CEMIP: variants seen among roughly 807,000 people sequenced by gnomAD.
CEMIP encodes the protein cell migration inducing hyaluronidase 1.
A neutral mutation model predicts 156.9 loss-of-function variants in CEMIP; 105 were observed. The observed-to-expected ratio is 0.67, with a 90% CI of 0.57 to 0.79. CEMIP has a LOEUF of 0.79. CEMIP is among the 30% of genes least tolerant of loss of function. The pLI, the probability that CEMIP is intolerant of heterozygous loss-of-function variation, is 0.00. For synonymous variants in CEMIP, 676 were observed against 668.4 expected (o/e 1.01, Z -0.17); for missense variants, 1,457 against 1,769.4 (o/e 0.82, Z 3.17).
At chr15:80,824,087 G>A (rs879622072) in intron 1 of CEMIP, among the ~76,000 whole-genome samples, 3 of 152,204 alleles carry the variant, frequency 2.0e-5, no homozygotes, top group Non-Finnish European at 2.9e-5. Flanking sequence ...TCTTTAGCCT[G>A]GGACAGCAAT....
chr15:80,941,385 G>A (rs1298642910), intron 25 of CEMIP, among the ~76,000 whole-genome samples: 1 of 152,002 alleles, frequency 6.6e-6, no homozygotes, highest in Non-Finnish European at 1.5e-5. Context: ...AATAAATTAT[G>A]GTTTGGAGAA....
intron 1 of CEMIP, among the ~76,000 whole-genome samples, chr15:80,806,525 A>T (rs1294046799): frequency 1.3e-5 from 2 of 152,180 alleles, no homozygotes; most frequent in African/African-American, 4.8e-5. Flanking sequence ...ATGGGGATGA[A>T]TTTGTCCATT....
intron 1 of CEMIP, among the ~76,000 whole-genome samples, chr15:80,840,666 G>T (rs886982341): frequency 2.0e-5 from 3 of 152,200 alleles, no homozygotes; most frequent in African/African-American, 4.8e-5. Flanking sequence ...CTGGCCCGAG[G>T]CGTGGGAGGC....
chr15:80,931,447 G>A (rs1900907986), intron 21 of CEMIP, among the ~76,000 whole-genome samples: 2 of 151,964 alleles, frequency 1.3e-5, no homozygotes, highest in African/African-American at 4.8e-5. Flanking sequence ...ACATAATATT[G>A]GCACGCTCCA....
intron 12 of CEMIP, among the ~76,000 whole-genome samples, chr15:80,900,650 C>CTGTGTGTGTGTG: frequency 1.2e-5 from 1 of 84,606 alleles, no homozygotes; most frequent in Non-Finnish European, 2.5e-5. Context: ...GTGTGTGTGT[C>CTGTGTGTGTGTG]TGTGTGTGTG....
intron 14 of CEMIP, among the ~76,000 whole-genome samples, chr15:80,917,727 T>C (rs747619127): frequency 9.2e-5 from 14 of 152,136 alleles, no homozygotes; most frequent in African/African-American, 1.9e-4. Context: ...ATGGAGTGAG[T>C]GGACACAGAA....
chr15:80,896,100 T>C (rs372964060), intron 12 of CEMIP, 40 bp downstream of exon 12: 4 of 1,592,714 alleles, frequency 2.5e-6, no homozygotes, highest in Non-Finnish European at 3.4e-6. Flanking sequence ...TGGATGAATC[T>C]GAAAATTGTT....
At chr15:80,838,972 G>A (rs1349075170) in intron 1 of CEMIP, among the ~76,000 whole-genome samples, 1 of 152,170 alleles carries the variant, frequency 6.6e-6, no homozygotes, top group Non-Finnish European at 1.5e-5. Flanking sequence ...GAGGTATTAG[G>A]GGGTTTAAGT....
intron 14 of CEMIP, 147 bp downstream of exon 14, chr15:80,909,453 C>T (rs1179669973): frequency 2.5e-6 from 2 of 810,854 alleles, no homozygotes; most frequent in Non-Finnish European, 4.2e-6. Flanking sequence ...CAACTGGGAG[C>T]AGATCACCAA....
At chr15:80,845,548 A>G (rs1596129751) in intron 1 of CEMIP, among the ~76,000 whole-genome samples, 1 of 152,354 alleles carries the variant, frequency 6.6e-6, no homozygotes, top group East Asian at 1.9e-4. Context: ...TTGAGAAAAT[A>G]TGGGAAATGC....
rs1441788992 is a variant in CEMIP, at chr15:80,929,102, C to T, written c.2540C>T (p.Thr847Met). Residue 847 changes from threonine (T) to methionine (M), a missense_variant, in exon 21 of 30, where the codon ACG becomes ATG. Thr to Met is a moderately conservative substitution (Grantham distance 81). Around this residue, in one of 5 missense-constraint regions of CEMIP, gnomAD observed 798 missense variants for 980.1 expected, o/e 0.81. Transcript: ENST00000394685. ...GTTGGCGAGAGTGGCAACGTGGGGA[C>T]GGAAATGATGGACAATAGGATCTGG... ...LFVGESGNVG[T>M]EMMDNRIWGP... 1.1e-5 allele frequency: 17 copies of T among 1,614,010 alleles called. No homozygotes were observed. Among genetic ancestry groups the T allele is most frequent in the African/African-American group, 1.3e-5 (1 of 74,900 alleles).
intron 3 of CEMIP, among the ~76,000 whole-genome samples, chr15:80,877,442 C>A (rs1596151503): frequency 6.6e-6 from 1 of 152,178 alleles, no homozygotes; most frequent in South Asian, 2.1e-4. Context: ...CACCTTCCCA[C>A]CTCCTCACCC....
intron 1 of CEMIP, among the ~76,000 whole-genome samples, chr15:80,808,189 T>C (rs1896562393): frequency 1.3e-5 from 2 of 152,164 alleles, no homozygotes; most frequent in Non-Finnish European, 2.9e-5. Context: ...TCATCCAAGA[T>C]CACCATGGCC....
intron 1 of CEMIP, among the ~76,000 whole-genome samples, chr15:80,799,690 A>T (rs995853337): frequency 3.2e-4 from 49 of 152,250 alleles, no homozygotes; most frequent in African/African-American, 1.2e-3. Context: ...TCAATGGATG[A>T]ATGGATAAAG....
chr15:80,799,241 T>C (rs762492613), intron 1 of CEMIP, among the ~76,000 whole-genome samples: 1 of 152,170 alleles, frequency 6.6e-6, no homozygotes. Flanking sequence ...TTTAGCCAAG[T>C]GAGGATTAGC....
intron 16 of CEMIP, 120 bp from the exon 17 acceptor site, chr15:80,921,889 T>G: frequency 7.6e-7 from 1 of 1,308,916 alleles, no homozygotes; most frequent in Non-Finnish European, 1.1e-6. Flanking sequence ...CACCGAGGGC[T>G]CCTGTGGGTG....
chr15:80,873,776 T>C, intron 2 of CEMIP, 80 bp downstream of exon 2: 2 of 885,806 alleles, frequency 2.3e-6, no homozygotes, highest in Non-Finnish European at 3.6e-6. Flanking sequence ...TGTGTGTGCA[T>C]GTGGCTCTGT....
At chr15:80,920,654 T>G (rs1048284382) in intron 15 of CEMIP, among the ~76,000 whole-genome samples, 1 of 152,106 alleles carries the variant, frequency 6.6e-6, no homozygotes, top group Admixed American at 6.5e-5. Flanking sequence ...TTTCTAGATA[T>G]TAGAGAGACA....
intron 7 of CEMIP, among the ~76,000 whole-genome samples, chr15:80,884,798 C>A (rs1331386174): frequency 6.6e-6 from 1 of 152,206 alleles, no homozygotes; most frequent in Admixed American, 6.5e-5. Context: ...TTGACATGAT[C>A]TAATATGTGT....
Sources: gnomAD v4.1 joint callset for allele counts (sites outside exome capture counted in the v4.1 genomes callset) on GRCh38, gnomAD v4.1.1 for gene constraint, gnomAD v4.1.1 regional missense constraint, MANE v1.5 for transcripts, NCBI Gene and HGNC (gene_info 2026-07-23, HGNC 2026-07-21) for gene names.